Variants in ROBO1 observed in about 807,000 individuals in gnomAD.
ROBO1 encodes roundabout homolog 1.
Under a neutral mutation model 195.9 loss-of-function variants are expected in ROBO1, and 149 were observed. The observed-to-expected ratio is 0.76, with a 90% CI of 0.67 to 0.87. The LOEUF (loss-of-function observed/expected upper bound fraction) is 0.87. ROBO1 is among the 40% of genes least tolerant of loss of function. The pLI, the probability that ROBO1 is intolerant of heterozygous loss-of-function variation, is 0.00. For synonymous variants in ROBO1, 816 were observed against 733.2 expected (o/e 1.11, Z -1.82); for missense variants, 1,933 against 2,068.3 (o/e 0.93, Z 1.27).
chr3:79,192,939 G>C (rs1457022359), intron 2 of ROBO1, among the ~76,000 whole-genome samples: 1 of 151,620 alleles, frequency 6.6e-6, no homozygotes, highest in Non-Finnish European at 1.5e-5. Context: ...TCTTGGACCA[G>C]AGAGGCGGTA....
chr3:79,687,776 C>A (rs543332974), intron 1 of ROBO1, among the ~76,000 whole-genome samples: 1 of 151,970 alleles, frequency 6.6e-6, no homozygotes, highest in East Asian at 1.9e-4. Context: ...CTGGTGGGAC[C>A]GTAAACTAGT....
chr3:78,698,656 G>A (rs993014548), intron 8 of ROBO1, among the ~76,000 whole-genome samples: 5 of 152,062 alleles, frequency 3.3e-5, no homozygotes, highest in East Asian at 3.9e-4. Flanking sequence ...CCAAGACAAC[G>A]TCCCAAAGCA....
At chr3:78,924,320 C>A (rs1406732032) in intron 4 of ROBO1, among the ~76,000 whole-genome samples, 1 of 151,458 alleles carries the variant, frequency 6.6e-6, no homozygotes, top group African/African-American at 2.4e-5. Context: ...TTTTAAAGAA[C>A]TAAAGCAAAC....
At chr3:79,619,120 A>G (rs1160245521) in intron 1 of ROBO1, among the ~76,000 whole-genome samples, 11 of 152,180 alleles carry the variant, frequency 7.2e-5, no homozygotes, top group African/African-American at 2.4e-4. Flanking sequence ...ACCTGCCCTC[A>G]TCATTCACCC....
chr3:79,278,431 C>A (rs1374554846), intron 2 of ROBO1, among the ~76,000 whole-genome samples: 3 of 151,988 alleles, frequency 2.0e-5, no homozygotes, highest in African/African-American at 7.3e-5. Flanking sequence ...ATCACAAGAC[C>A]AGACCTTAAT....
chr3:79,751,441 T>G lies in ROBO1; in HGVS notation c.-51+16311A>C, dbSNP rs536539501. The stretch of plus-strand genomic sequence containing the variant: ...CTACTAGAAATTTAAAAATTCAATA[T>G]ATCCTCATCAAAATTAGGGAAGGGG... On this transcript the variant is annotated intron_variant, in intron 1 of 30. Coordinates refer to ENST00000464233, the MANE Select transcript of ROBO1 (RefSeq NM_002941.4). Among the ~76,000 whole-genome samples the G allele has an allele frequency of 7.9e-5, 12 of 152,270 alleles. No homozygotes were observed. The South Asian group carries it at 2.5e-3, about 32-fold the overall frequency.
At chr3:78,683,137 C>A (rs886222151) in intron 10 of ROBO1, among the ~76,000 whole-genome samples, 2 of 151,754 alleles carry the variant, frequency 1.3e-5, no homozygotes, top group African/African-American at 4.8e-5. Context: ...GATACACACA[C>A]ACACACACAC....
intron 3 of ROBO1, among the ~76,000 whole-genome samples, chr3:79,101,200 C>T (rs2079669707): frequency 6.6e-6 from 1 of 151,634 alleles, no homozygotes; most frequent in African/African-American, 2.4e-5. Flanking sequence ...GAGATCAATA[C>T]AGCACATAAG....
chr3:79,699,858 G>C (rs899960440), intron 1 of ROBO1, among the ~76,000 whole-genome samples: 1 of 151,580 alleles, frequency 6.6e-6, no homozygotes, highest in African/African-American at 2.4e-5. Context: ...TTATTTTAGA[G>C]TCACGGAGTG....
intron 8 of ROBO1, among the ~76,000 whole-genome samples, chr3:78,693,690 G>A (rs115506351): frequency 0.011 from 1,708 of 152,208 alleles, 13 homozygotes; most frequent in Non-Finnish European, 0.017. Flanking sequence ...GAACTAATAC[G>A]TAATGGATTT....
intron 2 of ROBO1, among the ~76,000 whole-genome samples, chr3:79,246,322 A>C (rs1472913982): frequency 6.6e-6 from 1 of 152,128 alleles, no homozygotes; most frequent in Non-Finnish European, 1.5e-5. Flanking sequence ...AAATGAAGGG[A>C]AACTTAGATG....
intron 1 of ROBO1, among the ~76,000 whole-genome samples, chr3:79,723,780 G>C (rs1052894198): frequency 1.4e-5 from 2 of 141,646 alleles, no homozygotes; most frequent in East Asian, 2.1e-4. Context: ...AACTTAAAAA[G>C]TAATTTTAAG....
intron 1 of ROBO1, among the ~76,000 whole-genome samples, chr3:79,608,170 A>G (rs922867339): frequency 6.6e-6 from 1 of 151,954 alleles, no homozygotes; most frequent in African/African-American, 2.4e-5. Context: ...AATTTGGGTT[A>G]TATTTGCTTG....
intron 2 of ROBO1, among the ~76,000 whole-genome samples, chr3:79,429,172 T>C (rs1468526559): frequency 6.6e-6 from 1 of 152,164 alleles, no homozygotes; most frequent in Non-Finnish European, 1.5e-5. Flanking sequence ...CAAGTCACTA[T>C]GGAGGAATAT....
intron 4 of ROBO1, among the ~76,000 whole-genome samples, chr3:78,892,642 G>A (rs2036974431): frequency 6.6e-6 from 1 of 152,110 alleles, no homozygotes; most frequent in South Asian, 2.1e-4. Context: ...AGGCTAAAGA[G>A]TCTCACTTTA....
intron 7 of ROBO1, among the ~76,000 whole-genome samples, chr3:78,716,930 C>G (rs1472784831): frequency 2.0e-5 from 3 of 152,090 alleles, no homozygotes; most frequent in African/African-American, 7.2e-5. Context: ...ATAGATACAT[C>G]CTTAAGGCTG....
chr3:79,215,026 C>T (rs2082030618), intron 2 of ROBO1, among the ~76,000 whole-genome samples: 1 of 151,888 alleles, frequency 6.6e-6, no homozygotes, highest in African/African-American at 2.4e-5. Flanking sequence ...AAAGTTTTGC[C>T]AAACGCAAGC....
At chr3:79,186,595 T>A (rs1335509007) in intron 2 of ROBO1, among the ~76,000 whole-genome samples, 1 of 152,114 alleles carries the variant, frequency 6.6e-6, no homozygotes, top group Non-Finnish European at 1.5e-5. Context: ...TTCTGCTGAC[T>A]GCCTTTTGAC....
At chr3:79,765,219 A>C (rs1418271595) in intron 1 of ROBO1, among the ~76,000 whole-genome samples, 1 of 152,222 alleles carries the variant, frequency 6.6e-6, no homozygotes, top group Admixed American at 6.5e-5. Context: ...TATGTGCGAA[A>C]AGGCTAAAGG....
Sources: gnomAD v4.1 joint callset for allele counts (sites outside exome capture counted in the v4.1 genomes callset) on GRCh38, gnomAD v4.1.1 for gene constraint, MANE v1.5 for transcripts, NCBI Gene and HGNC (gene_info 2026-07-23, HGNC 2026-07-21) for gene names.